C2orf42: variants seen among roughly 807,000 people sequenced by gnomAD.
C2orf42 encodes uncharacterized protein C2orf42.
Under a neutral mutation model 58.9 loss-of-function variants are expected in C2orf42, and 44 were observed. The observed-to-expected ratio is 0.75, with a 90% confidence interval of 0.59 to 0.96. The LOEUF is 0.96. Among genes scored for constraint, C2orf42 ranks in the 40% least tolerant of loss-of-function variants. C2orf42 has a pLI of 0.00. For synonymous variants in C2orf42, 239 were observed against 265.4 expected (o/e 0.90, Z 0.97); for missense variants, 630 against 699.2 (o/e 0.90, Z 1.12).
intron 9 of C2orf42, among the ~76,000 whole-genome samples, chr2:70,155,426 G>A (rs1672600212): frequency 1.3e-5 from 2 of 152,116 alleles, no homozygotes; most frequent in Non-Finnish European, 2.9e-5. Flanking sequence ...CTCCCAAAGT[G>A]CTGGGATTAT....
intron 4 of C2orf42, among the ~76,000 whole-genome samples, chr2:70,176,707 G>C (rs1448480408): frequency 6.6e-6 from 1 of 151,888 alleles, no homozygotes; most frequent in East Asian, 1.9e-4. Flanking sequence ...CAGTGTGCTA[G>C]AGCCTTGAGC....
intron 7 of C2orf42, 131 bp downstream of exon 7, chr2:70,165,397 T>G: frequency 1.5e-6 from 1 of 650,350 alleles, no homozygotes; most frequent in Non-Finnish European, 2.8e-6. Flanking sequence ...CATTGAAGGC[T>G]TTGTGCTCCA....
intron 5 of C2orf42, among the ~76,000 whole-genome samples, chr2:70,173,070 C>T (rs780421074): frequency 9.2e-5 from 14 of 151,560 alleles, no homozygotes; most frequent in Non-Finnish European, 1.6e-4. Context: ...GGCTGAGGCA[C>T]GAGATGAACC....
intron 9 of C2orf42, among the ~76,000 whole-genome samples, chr2:70,159,991 A>C (rs2104858084): frequency 6.6e-6 from 1 of 152,346 alleles, no homozygotes; most frequent in South Asian, 2.1e-4. Flanking sequence ...ATTCACAAGA[A>C]TTTGACAGAA....
chr2:70,167,382 T>C (rs1673474296), intron 6 of C2orf42, among the ~76,000 whole-genome samples: 2 of 149,254 alleles, frequency 1.3e-5, no homozygotes, highest in Admixed American at 6.7e-5. Context: ...AAAAGAAACT[T>C]GTCAGACATT....
At chr2:70,153,477 GCCTCCTGAGTA>G (rs1291563290) in intron 9 of C2orf42, among the ~76,000 whole-genome samples, 1 of 150,018 alleles carries the variant, frequency 6.7e-6, no homozygotes, top group Non-Finnish European at 1.5e-5. Flanking sequence ...TCCTGCCTCA[GCCTCCTGAGTA>G]GCTGGGACTA....
Position 70,181,706 on chromosome 2 carries a change from C to G in C2orf42, c.280G>C (p.Val94Leu). 6.2e-7 allele frequency: 1 copy of G among 1,614,174 alleles called. No individual in the cohort carries two copies. The part of the protein sequence containing the change: ...PDYRCFVELG[V>L]SETTIQTVDG... ...ACTGTCTGGATTGTTGTCTCTGAAA[C>G]CCCGAGCTCCACAAAGCATCGGTAA... The change falls in exon 3 of 10, where the codon GTT (valine) becomes CTT (leucine). Residue 94 changes from valine (V) to leucine (L), a missense_variant. By Grantham distance (32) the Val-to-Leu change is conservative (BLOSUM62 1). Coordinates refer to ENST00000264434, the MANE Select transcript of C2orf42 (RefSeq NM_017880.3).
intron 1 of C2orf42, among the ~76,000 whole-genome samples, chr2:70,189,310 G>A (rs1322772491): frequency 2.0e-5 from 3 of 148,770 alleles, no homozygotes; most frequent in African/African-American, 7.4e-5. Context: ...GGAGGCTGAG[G>A]CAGGAGGATC....
intron 4 of C2orf42, among the ~76,000 whole-genome samples, chr2:70,178,926 A>G (rs974412271): frequency 1.4e-5 from 2 of 145,860 alleles, no homozygotes; most frequent in Admixed American, 1.4e-4. Flanking sequence ...CTCCATCTCA[A>G]AAAAAAAAAA....
In C2orf42 at chr2:70,150,307, G is replaced by T. The variant is rs1229659404; in HGVS notation, c.*49C>A. 1 of 1,509,136 alleles carries T rather than the reference G, an allele frequency of 6.6e-7. No homozygotes were observed. The highest frequency in any genetic ancestry group is 1.1e-5 in the South Asian group (1 of 89,110). 93.5% of individuals were successfully genotyped at this position (1,509,136 alleles called of 1,614,324 possible). A position where few individuals can be genotyped will look rare whatever the true frequency, so the allele number is the denominator to read the frequency against. ...TAACTAGCATTTAAAGTTGTCAAGG[G>T]GTGGGGATGTGCAAATTAAGCAGCA... On this transcript the variant is annotated 3_prime_UTR_variant, in exon 10 of 10. Coordinates refer to ENST00000264434, the MANE Select transcript of C2orf42 (RefSeq NM_017880.3).
At position 70,181,413 on chromosome 2, in the gene C2orf42, C is replaced by T. The variant is rs760967013; in HGVS notation, c.573G>A (p.Val191=). 1 of 1,614,114 alleles carries T rather than the reference C, an allele frequency of 6.2e-7. No homozygotes were observed. ...VQRITKNILV[V]KCKASQKHSL... ...TGTGCTTCTGGCTTGCCTTGCATTTCACCACCAAGATGTTTTTAGTAATTC... is the reference window on the plus strand; with the variant it reads ...TGTGCTTCTGGCTTGCCTTGCATTTTACCACCAAGATGTTTTTAGTAATTC... Residue 191 remains valine, a synonymous_variant, in exon 3 of 10, where the codon GTG becomes GTA. Transcript: ENST00000264434.
chr2:70,174,374 G>C lies in C2orf42; in HGVS notation c.1039+1299C>G, dbSNP rs571370455. Among the ~76,000 whole-genome samples the C allele has an allele frequency of 8.5e-5, 13 of 152,064 alleles. No individual in the cohort carries two copies. In the South Asian group the frequency reaches 1.9e-3, roughly 22 times the overall value. On this transcript the variant is annotated intron_variant, in intron 5 of 9. Coordinates refer to ENST00000264434, the MANE Select transcript of C2orf42 (RefSeq NM_017880.3). ...TTTTAAGGTAATTGTACATTCACAC[G>C]CAGTTGTAAGAAATATAAGGCTTCT...
intron 9 of C2orf42, among the ~76,000 whole-genome samples, chr2:70,157,626 A>G (rs895028602): frequency 1.3e-4 from 19 of 151,822 alleles, no homozygotes; most frequent in African/African-American, 3.6e-4. Flanking sequence ...GCGAAACCCC[A>G]TATCTACTAA....
chr2:70,170,181 G>GAAA (rs11357432), intron 5 of C2orf42, among the ~76,000 whole-genome samples: 10 of 115,116 alleles, frequency 8.7e-5, no homozygotes, highest in Non-Finnish European at 1.4e-4. Flanking sequence ...AGTTTGTCCA[G>GAAA]AAAAAAAAAA....
At chr2:70,172,213 G>T (rs1331605196) in intron 5 of C2orf42, among the ~76,000 whole-genome samples, 1 of 133,684 alleles carries the variant, frequency 7.5e-6, no homozygotes, top group African/African-American at 2.8e-5. Flanking sequence ...GACAGAGTGA[G>T]ACTCTGTCTC....
At chr2:70,175,927 C>A in intron 4 of C2orf42, 150 bp from the exon 5 acceptor site, 2 of 588,328 alleles carry the variant, frequency 3.4e-6, no homozygotes, top group Non-Finnish European at 6.1e-6. Flanking sequence ...AGTCTTTACA[C>A]ATAAAATTTT....
At chr2:70,173,803 T>G (rs918830069) in intron 5 of C2orf42, among the ~76,000 whole-genome samples, 16 of 148,582 alleles carry the variant, frequency 1.1e-4, no homozygotes, top group African/African-American at 3.9e-4. Flanking sequence ...GTTTTTTGTG[T>G]TTTTTTTGGT....
chr2:70,150,521 G>C lies in C2orf42; in HGVS notation c.1560C>G (p.Ile520Met). 1 of 1,613,820 alleles carries C rather than the reference G, an allele frequency of 6.2e-7. No homozygotes were observed. Among genetic ancestry groups the C allele is most frequent in the Non-Finnish European group, 8.5e-7 (1 of 1,179,820 alleles). Reference protein sequence around the residue: ...PDQKEPTPFIIEWIPDILPQS... With the variant: ...PDQKEPTPFIMEWIPDILPQS... ...GGGGAAGGATATCTGGGATCCACTC[G>C]ATGATGAAAGGTGTTGGCTCCTTTT... Residue 520 changes from isoleucine to methionine, a missense_variant, in exon 10 of 10, where the codon ATC (isoleucine) becomes ATG (methionine). Ile to Met is a conservative substitution (Grantham distance 10). Coordinates refer to ENST00000264434, the MANE Select transcript of C2orf42 (RefSeq NM_017880.3).
chr2:70,180,952 G>T (rs1047380319), intron 3 of C2orf42, among the ~76,000 whole-genome samples: 2 of 138,082 alleles, frequency 1.4e-5, no homozygotes, highest in Non-Finnish European at 3.0e-5. Flanking sequence ...TGTGAGCTGT[G>T]ATCAGGCCAC....
Sources: allele counts gnomAD v4.1 joint callset (sites outside exome capture counted in the v4.1 genomes callset), GRCh38; gene constraint gnomAD v4.1.1; transcripts MANE v1.5; gene names NCBI Gene and HGNC (gene_info 2026-07-23, HGNC 2026-07-21).